THOC5: variants seen among roughly 807,000 people sequenced by gnomAD.
THOC5 encodes the protein THO complex subunit 5, also known as Fms-interacting protein.
A neutral mutation model predicts 92.9 loss-of-function variants in THOC5; 43 were observed. The ratio of observed to expected loss-of-function variants is 0.46; its 90% CI spans 0.36 to 0.60. The LOEUF (loss-of-function observed/expected upper bound fraction) is 0.60. THOC5 is among the 20% of genes least tolerant of loss of function. The pLI is 0.00. For missense variants in THOC5, 659 were observed against 849.4 expected (o/e 0.78, Z 2.79); for synonymous variants, 296 against 320.1 (o/e 0.92, Z 0.80).
chr22:29,531,992 T>C, intron 7 of THOC5, 29 bp from the exon 8 acceptor site: 2 of 1,611,284 alleles, frequency 1.2e-6, no homozygotes, highest in South Asian at 2.2e-5. Flanking sequence ...TTTTTGTTCT[T>C]CCTTTTTTAG....
At chr22:29,523,373 G>A (rs945263240) in intron 12 of THOC5, among the ~76,000 whole-genome samples, 6 of 152,134 alleles carry the variant, frequency 3.9e-5, no homozygotes, top group Admixed American at 3.3e-4. Context: ...CAAAAATAAA[G>A]AGAGCCTGTG....
intron 7 of THOC5, chr22:29,536,077 C>T (rs964937715): frequency 3.3e-5 from 5 of 152,280 alleles, no homozygotes; most frequent in African/African-American, 1.2e-4. Flanking sequence ...TTACAAAGTT[C>T]TTTCATATTA....
At chr22:29,517,460 A>T (rs1046498578) in intron 15 of THOC5, 94 bp from the exon 16 acceptor site, 1 of 1,089,078 alleles carries the variant, frequency 9.2e-7, no homozygotes, top group Non-Finnish European at 1.4e-6. Flanking sequence ...AAGGGCTCAG[A>T]TGGCCCGGCC....
At chr22:29,544,128 T>C (rs1261113070) in intron 3 of THOC5, among the ~76,000 whole-genome samples, 3 of 152,204 alleles carry the variant, frequency 2.0e-5, no homozygotes, top group Non-Finnish European at 2.9e-5. Flanking sequence ...ACAATTTACT[T>C]GTACACATCC....
intron 5 of THOC5, among the ~76,000 whole-genome samples, chr22:29,541,599 C>T (rs950490360): frequency 4.0e-5 from 6 of 150,730 alleles, no homozygotes; most frequent in African/African-American, 1.5e-4. Flanking sequence ...TGGTGGCTCA[C>T]GCCTGTAATC....
At chr22:29,541,827 C>T (rs1443470220) in intron 5 of THOC5, among the ~76,000 whole-genome samples, 3 of 127,182 alleles carry the variant, frequency 2.4e-5, no homozygotes, top group Non-Finnish European at 4.7e-5. Context: ...CGCCACTGCA[C>T]TCCAGCCTGG....
Position 29,508,367 on chromosome 22 carries a change from AT to A in THOC5, c.*89del, listed in dbSNP as rs539965038. On this transcript the variant is annotated 3_prime_UTR_variant, in exon 20 of 20. Coordinates refer to ENST00000490103, the MANE Select transcript of THOC5 (RefSeq NM_003678.5). ...TTTAATTGGCTGGTGTCTTTGGAGA[AT>A]ATCAAGAGTCACATGTGGGCCAGAG... is the stretch of plus-strand genomic sequence containing the variant. 8.6e-5 allele frequency: 115 copies of A among 1,332,106 alleles called. No homozygotes were observed. In the African/African-American group the frequency reaches 1.4e-3, roughly 16 times the overall value. The allele number at this position is 1,332,106 out of a possible 1,614,324, so 82.5% of individuals were successfully genotyped here.
intron 17 of THOC5, among the ~76,000 whole-genome samples, chr22:29,514,385 C>G (rs554461085): frequency 6.9e-6 from 1 of 143,936 alleles, no homozygotes; most frequent in African/African-American, 2.6e-5. Context: ...GGCGCCATCT[C>G]AGCTCACTGC....
intron 1 of THOC5, among the ~76,000 whole-genome samples, chr22:29,552,164 G>A (rs1199261992): frequency 1.3e-5 from 2 of 152,134 alleles, no homozygotes; most frequent in African/African-American, 4.8e-5. Context: ...GCCTGCCTTG[G>A]CCTCCCAAAG....
chr22:29,528,966 G>A (rs2063598575), intron 9 of THOC5, 196 bp downstream of exon 9: 1 of 589,010 alleles, frequency 1.7e-6, no homozygotes, highest in Non-Finnish European at 3.0e-6. Flanking sequence ...CTAGTGAGTG[G>A]CAGGGCTGAA....
At chr22:29,522,367 TAAATAAAATAAAATA>T (rs149441641) in intron 12 of THOC5, among the ~76,000 whole-genome samples, 36 of 149,474 alleles carry the variant, frequency 2.4e-4, no homozygotes, top group Admixed American at 2.0e-3. Flanking sequence ...CTCAAAAAAA[TAAATAAAATAAAATA>T]AAATAAAATA....
Position 29,522,367 on chromosome 22 carries a change from T to TAAATAAAATA in THOC5, c.1176-1278_1176-1269dup, listed in dbSNP as rs149441641. ...AGAGCGAGACTCTGTCTCAAAAAAA[T>TAAATAAAATA]AAATAAAATAAAATAAAATAAAATA... On this transcript the variant is annotated intron_variant, in intron 12 of 19. Transcript: ENST00000490103. 1.6e-3 allele frequency among the ~76,000 whole-genome samples: 232 copies of TAAATAAAATA among 149,480 alleles called. 1 individual carries two copies. Among genetic ancestry groups the TAAATAAAATA allele is most frequent in the African/African-American group, 5.5e-3 (223 of 40,610 alleles).
intron 1 of THOC5, among the ~76,000 whole-genome samples, chr22:29,551,559 G>A (rs2064144391): frequency 6.6e-6 from 1 of 152,058 alleles, no homozygotes; most frequent in East Asian, 1.9e-4. Context: ...AGACCAGAGT[G>A]GGCAACAGAG....
At chr22:29,528,905 G>A (rs2063597579) in intron 9 of THOC5, 2 of 546,164 alleles carry the variant, frequency 3.7e-6, no homozygotes, top group Non-Finnish European at 6.5e-6. Flanking sequence ...TTTTCACAAA[G>A]GAATAAACTG....
In THOC5 at chr22:29,544,949, T is replaced by C. The variant is rs147238887; in HGVS notation, c.97-346A>G. 7.3e-4 allele frequency: 225 copies of C among 308,458 alleles called. 2 individuals carry two copies. The highest frequency in any genetic ancestry group is 4.6e-3 in the African/African-American group (204 of 44,358). 19.1% of individuals were successfully genotyped at this position (308,458 alleles called of 1,614,324 possible). A position where few individuals can be genotyped will look rare whatever the true frequency, so the allele number is the denominator to read the frequency against. ...CATTTTATTTGTAAACAAAACGGGA[T>C]CATACTGTCCGTGCTGTTAAGTGCA... On this transcript the variant is annotated intron_variant, in intron 2 of 19. Coordinates refer to ENST00000490103, the MANE Select transcript of THOC5 (RefSeq NM_003678.5).
chr22:29,508,428 T>C lies in THOC5; in HGVS notation c.*29A>G, dbSNP rs199551204. 220 of 1,612,180 alleles carry C rather than the reference T, an allele frequency of 1.4e-4. No individual in the cohort carries two copies. The African/African-American group carries it at 2.5e-3, about 18-fold the overall frequency. On this transcript the variant is annotated 3_prime_UTR_variant, in exon 20 of 20. Coordinates refer to ENST00000490103, the MANE Select transcript of THOC5 (RefSeq NM_003678.5). ...GAAGCCCAGTGCTCAGGGTGAGGCC[T>C]TGGGGGAAACAACGGTCTGCGCGGG...
chr22:29,542,599 A>T (rs895044983), intron 5 of THOC5, among the ~76,000 whole-genome samples: 29 of 152,104 alleles, frequency 1.9e-4, no homozygotes, highest in Admixed American at 1.6e-3. Flanking sequence ...CCCCGTCTCT[A>T]CTAAAAATAC....
Position 29,508,444 on chromosome 22 carries a change from T to C in THOC5, c.*13A>G, listed in dbSNP as rs754950886. ...GGTGAGGCCTTGGGGGAAACAACGG[T>C]CTGCGCGGGAGATCAGCGATGGCTG... On this transcript the variant is annotated 3_prime_UTR_variant, in exon 20 of 20. Transcript: ENST00000490103. 6.2e-7 allele frequency: 1 copy of C among 1,614,062 alleles called. No individual in the cohort carries two copies. Among genetic ancestry groups the C allele is most frequent in the Admixed American group, 1.7e-5 (1 of 60,008 alleles).
At chr22:29,552,196 C>G (rs2146582832) in intron 1 of THOC5, among the ~76,000 whole-genome samples, 1 of 152,288 alleles carries the variant, frequency 6.6e-6, no homozygotes, top group East Asian at 1.9e-4. Context: ...CAGCCTCTGC[C>G]CGGCCGCCAC....
Sources: allele counts gnomAD v4.1 joint callset (sites outside exome capture counted in the v4.1 genomes callset), GRCh38; gene constraint gnomAD v4.1.1; transcripts MANE v1.5; gene names NCBI Gene and HGNC (gene_info 2026-07-23, HGNC 2026-07-21).